The following ELF5 variants were observed in gnomAD, a reference collection of about 807,000 sequenced individuals.
ELF5 encodes the protein E74 like ETS transcription factor 5.
A neutral mutation model predicts 38.2 loss-of-function variants in ELF5; 31 were observed. The ratio of observed to expected loss-of-function variants is 0.81; its 90% CI spans 0.61 to 1.10. ELF5 has a LOEUF of 1.10. Ranked by LOEUF, ELF5 falls within the 50% of genes least tolerant of loss-of-function variation. The probability of loss-of-function intolerance (pLI) is 0.00; values close to 1 mark genes in which losing one functional copy is unlikely to be tolerated. For synonymous variants in ELF5, 121 were observed against 112.5 expected (o/e 1.08, Z -0.48); for missense variants, 300 against 306.6 (o/e 0.98, Z 0.16).
chr11:34,507,586 G>C (rs1037251725), intron 1 of ELF5, among the ~76,000 whole-genome samples: 1 of 152,206 alleles, frequency 6.6e-6, no homozygotes, highest in Non-Finnish European at 1.5e-5. Flanking sequence ...GCCCCCGCTT[G>C]CACACATTCT....
At chr11:34,507,482 G>T (rs1342975526) in intron 1 of ELF5, among the ~76,000 whole-genome samples, 2 of 152,206 alleles carry the variant, frequency 1.3e-5, no homozygotes, top group African/African-American at 4.8e-5. Flanking sequence ...TAATTGCTGT[G>T]CTCCAGTCCC....
At chr11:34,482,338 C>A in intron 5 of ELF5, 93 bp downstream of exon 5, 2 of 1,235,432 alleles carry the variant, frequency 1.6e-6, no homozygotes, top group South Asian at 1.3e-5. Flanking sequence ...TGGTCCAACT[C>A]AAACATTTAG....
chr11:34,487,132 T>G (rs1295002691), intron 4 of ELF5, among the ~76,000 whole-genome samples: 1 of 151,838 alleles, frequency 6.6e-6, no homozygotes, highest in Non-Finnish European at 1.5e-5. Flanking sequence ...ATCATCAGGG[T>G]TGGGGGAGAG....
At chr11:34,490,894 G>C (rs570701233) in intron 3 of ELF5, among the ~76,000 whole-genome samples, 1 of 152,154 alleles carries the variant, frequency 6.6e-6, no homozygotes, top group South Asian at 2.1e-4. Flanking sequence ...CTGAGAACAG[G>C]ATGGGAGATT....
chr11:34,509,726 AG>A (rs1850705105), intron 1 of ELF5, among the ~76,000 whole-genome samples: 1 of 152,172 alleles, frequency 6.6e-6, no homozygotes, highest in African/African-American at 2.4e-5. Context: ...ACTTCAGAAA[AG>A]TTCCTTTAAG....
chr11:34,487,070 C>A (rs552097248), intron 4 of ELF5, among the ~76,000 whole-genome samples: 1 of 152,208 alleles, frequency 6.6e-6, no homozygotes, highest in South Asian at 2.1e-4. Flanking sequence ...CTTCATACCT[C>A]CCCTTGTGCC....
intron 2 of ELF5, among the ~76,000 whole-genome samples, chr11:34,499,832 G>T (rs1028860587): frequency 2.6e-5 from 4 of 152,210 alleles, no homozygotes; most frequent in Admixed American, 6.5e-5. Context: ...CTGAGCCTGG[G>T]CTGTGGAGAT....
intron 1 of ELF5, among the ~76,000 whole-genome samples, chr11:34,507,478 C>T (rs1490937427): frequency 6.6e-6 from 1 of 152,224 alleles, no homozygotes; most frequent in East Asian, 1.9e-4. Flanking sequence ...ATTCTAATTG[C>T]TGTGCTCCAG....
intron 4 of ELF5, among the ~76,000 whole-genome samples, chr11:34,483,030 C>T (rs1856976418): frequency 6.6e-6 from 1 of 151,978 alleles, no homozygotes; most frequent in Non-Finnish European, 1.5e-5. Flanking sequence ...ACCAGATCTG[C>T]CCCTCCAGCT....
chr11:34,495,311 C>T (rs1850289939), intron 2 of ELF5, among the ~76,000 whole-genome samples: 2 of 152,204 alleles, frequency 1.3e-5, no homozygotes, highest in South Asian at 2.1e-4. Context: ...CAGCAAATAG[C>T]AGTGGTGCGA....
chr11:34,493,859 A>C, intron 2 of ELF5, 147 bp from the exon 3 acceptor site: 1 of 663,082 alleles, frequency 1.5e-6, no homozygotes, highest in Non-Finnish European at 2.6e-6. Context: ...TGCAGAGCCC[A>C]GGTCACCTTC....
intron 1 of ELF5, chr11:34,511,521 A>C (rs1442586646): frequency 6.2e-7 from 1 of 1,614,170 alleles, no homozygotes; most frequent in East Asian, 2.2e-5. Flanking sequence ...CACTTCACAC[A>C]TGAGAAAGTT....
In ELF5 at chr11:34,502,737, G is replaced by T. The variant is rs145373417; in HGVS notation, c.121+2892C>A. 3.1e-3 allele frequency among the ~76,000 whole-genome samples: 471 copies of T among 152,312 alleles called. 4 individuals are homozygous for T. The highest frequency in any genetic ancestry group is 0.011 in the African/African-American group (449 of 41,576). ...TTAGGAACCTGGGCCAGTCTCGAAG[G>T]CTATTTTATTTTCACTGGCCGCATG... is the stretch of plus-strand genomic sequence containing the variant. On this transcript the variant is annotated intron_variant, in intron 2 of 6. Transcript: ENST00000257832.
In ELF5 at chr11:34,493,624, G is replaced by A. The variant is rs749506182; in HGVS notation, c.210C>T (p.Tyr70=). Residue 70 remains tyrosine (Y), a synonymous_variant, in exon 3 of 7, where the codon TAC becomes TAT. Coordinates refer to ENST00000257832, the MANE Select transcript of ELF5 (RefSeq NM_001422.4). Reference sequence around the variant, plus strand: ...AGGAGATGCAATTGGTGTCCAACTTGTACTGGTCGCAGCAGAACTGGAGCC... The same window carrying A: ...AGGAGATGCAATTGGTGTCCAACTTATACTGGTCGCAGCAGAACTGGAGCC... ...WEWLQFCCDQ[Y]KLDTNCISFC... is the part of the protein sequence containing the mutation. 1.3e-5 allele frequency: 21 copies of A among 1,614,100 alleles called. No homozygotes were observed. In the East Asian group the frequency reaches 3.6e-4, roughly 27 times the overall value.
At chr11:34,503,351 G>A (rs1026169455) in intron 2 of ELF5, among the ~76,000 whole-genome samples, 1 of 151,408 alleles carries the variant, frequency 6.6e-6, no homozygotes, top group African/African-American at 2.4e-5. Flanking sequence ...GTAGAGACGG[G>A]GTTTCTCCAT....
At chr11:34,511,907 T>C in intron 1 of ELF5, 1 of 325,244 alleles carries the variant, frequency 3.1e-6, no homozygotes, top group Non-Finnish European at 5.8e-6. Flanking sequence ...ATCTACACAT[T>C]GGCTGTTTAC....
intron 1 of ELF5, among the ~76,000 whole-genome samples, chr11:34,509,598 G>GT: frequency 6.6e-6 from 1 of 151,050 alleles, no homozygotes; most frequent in Non-Finnish European, 1.5e-5. Flanking sequence ...GGATTGGCTG[G>GT]TTTTATATCC....
In ELF5 at chr11:34,492,108, A is replaced by G. The variant is rs372539629; in HGVS notation, c.355+1371T>C. On this transcript the variant is annotated intron_variant, in intron 3 of 6. Coordinates refer to ENST00000257832, the MANE Select transcript of ELF5 (RefSeq NM_001422.4). Reference sequence around the variant, plus strand: ...AGCCTGTTCCCTTGGGAGGATCCTAAATGGAGTCCCAAGCTCCTTCTTCTG... The same window carrying G: ...AGCCTGTTCCCTTGGGAGGATCCTAGATGGAGTCCCAAGCTCCTTCTTCTG... 2.0e-5 allele frequency: 3 copies of G among 152,292 alleles called. No individual in the cohort carries two copies. The East Asian group carries it at 5.8e-4, about 29-fold the overall frequency. 9.4% of individuals were successfully genotyped at this position (152,292 alleles called of 1,614,324 possible).
Position 34,480,246 on chromosome 11 carries a change from G to A in ELF5, c.740C>T (p.Ala247Val), listed in dbSNP as rs754414523. Residue 247 changes from alanine to valine, a missense_variant, in exon 7 of 7, where the codon GCA becomes GTA. Physicochemically the swap from Ala to Val is moderately conservative, Grantham distance 64. Coordinates refer to ENST00000257832, the MANE Select transcript of ELF5 (RefSeq NM_001422.4). ...RRLVYKFGKN[A>V]HGWQEDKL is the part of the protein sequence containing the mutation. ...TAGCTTGTCTTCCTGCCACCCGTGT[G>A]CATTTTTTCCAAATTTGTACACTAA... is the stretch of plus-strand genomic sequence containing the variant. 1 of 1,613,946 alleles carries A rather than the reference G, an allele frequency of 6.2e-7. No individual in the cohort carries two copies. The highest frequency in any genetic ancestry group is 8.5e-7 in the Non-Finnish European group (1 of 1,179,984).
Sources: gnomAD v4.1 joint callset for allele counts (sites outside exome capture counted in the v4.1 genomes callset) on GRCh38, gnomAD v4.1.1 for gene constraint, MANE v1.5 for transcripts, NCBI Gene and HGNC (gene_info 2026-07-23, HGNC 2026-07-21) for gene names.